BMPR2: variants seen among roughly 807,000 people sequenced by gnomAD.
BMPR2 encodes bone morphogenetic protein receptor type 2.
BMPR2 carries 29 observed loss-of-function variants against 100.8 expected under a neutral mutation model. The observed-to-expected ratio is 0.29, with a 90% CI of 0.21 to 0.39. BMPR2 has a LOEUF of 0.39. Among genes scored for constraint, BMPR2 ranks in the 10% least tolerant of loss-of-function variants. The probability of loss-of-function intolerance (pLI) is 1.00; values close to 1 mark genes in which losing one functional copy is unlikely to be tolerated. For missense variants in BMPR2, 1,011 were observed against 1,274.5 expected, an observed-to-expected ratio of 0.79 and a Z score of 3.15; for synonymous variants, 382 against 442.3, an observed-to-expected ratio of 0.86 and a Z score of 1.71.
At chr2:202,408,201 G>T (rs561518448) in intron 1 of BMPR2, among the ~76,000 whole-genome samples, 1 of 152,308 alleles carries the variant, frequency 6.6e-6, no homozygotes, top group Admixed American at 6.5e-5. Context: ...ATAAAATAAT[G>T]TATAGCTCTG....
chr2:202,543,296 A>G (rs1371107478), intron 10 of BMPR2, among the ~76,000 whole-genome samples: 3 of 148,924 alleles, frequency 2.0e-5, no homozygotes, highest in African/African-American at 7.3e-5. Context: ...ACAATGAAAT[A>G]TCTCAAGTCC....
intron 3 of BMPR2, among the ~76,000 whole-genome samples, chr2:202,470,564 A>C (rs1186858716): frequency 6.6e-6 from 1 of 150,796 alleles, no homozygotes; most frequent in Non-Finnish European, 1.5e-5. Context: ...GATCGAGACC[A>C]TCCTGGCTAA....
chr2:202,544,242 G>A (rs566948361), intron 10 of BMPR2, among the ~76,000 whole-genome samples: 41 of 152,204 alleles, frequency 2.7e-4, no homozygotes, highest in African/African-American at 9.6e-4. Flanking sequence ...ACTCAGAAGC[G>A]CATTAAAAAT....
intron 11 of BMPR2, among the ~76,000 whole-genome samples, chr2:202,554,759 C>A (rs1688533564): frequency 6.6e-6 from 1 of 152,176 alleles, no homozygotes; most frequent in South Asian, 2.1e-4. Flanking sequence ...TAATGGAGGC[C>A]TTTGGAACAA....
chr2:202,557,162 C>T (rs1281286658), intron 12 of BMPR2, among the ~76,000 whole-genome samples: 2 of 151,652 alleles, frequency 1.3e-5, no homozygotes, highest in Admixed American at 1.3e-4. Flanking sequence ...GAAACCCCGT[C>T]TCTACTAAAA....
intron 1 of BMPR2, among the ~76,000 whole-genome samples, chr2:202,464,349 T>A (rs896631533): frequency 3.1e-4 from 47 of 152,156 alleles, no homozygotes; most frequent in African/African-American, 1.1e-3. Flanking sequence ...ATAGTTACTC[T>A]TTGTATCATT....
chr2:202,399,268 C>G (rs1014839393), intron 1 of BMPR2, among the ~76,000 whole-genome samples: 1 of 152,186 alleles, frequency 6.6e-6, no homozygotes, highest in African/African-American at 2.4e-5. Flanking sequence ...GTCAGTGAAG[C>G]TTTCCTTATG....
At chr2:202,507,760 C>T (rs1380972492) in intron 3 of BMPR2, among the ~76,000 whole-genome samples, 3 of 150,702 alleles carry the variant, frequency 2.0e-5, no homozygotes, top group African/African-American at 4.9e-5. Context: ...AGTGCAATGG[C>T]GCCATCTCGG....
Position 202,447,989 on chromosome 2 carries a change from G to A in BMPR2, c.77-16820G>A, listed in dbSNP as rs1385025684. ...TAGAGTCATCCAAAACCATCTCATGGAATTCTTATTTATTTGTTTATGGGT... is the reference window on the plus strand; with the variant it reads ...TAGAGTCATCCAAAACCATCTCATGAAATTCTTATTTATTTGTTTATGGGT... On this transcript the variant is annotated intron_variant, in intron 1 of 12. Transcript: ENST00000374580. 2.7e-5 allele frequency among the ~76,000 whole-genome samples: 4 copies of A among 150,130 alleles called. 1 individual carries two copies. The highest frequency in any genetic ancestry group is 1.0e-4 in the African/African-American group (4 of 39,592).
intron 1 of BMPR2, among the ~76,000 whole-genome samples, chr2:202,453,159 C>T (rs1418752290): frequency 6.6e-6 from 1 of 150,648 alleles, no homozygotes; most frequent in Admixed American, 6.6e-5. Context: ...AAGGACGTGA[C>T]GTGATCAAAT....
intron 1 of BMPR2, among the ~76,000 whole-genome samples, chr2:202,383,416 C>T (rs1690342387): frequency 6.6e-6 from 1 of 152,102 alleles, no homozygotes; most frequent in East Asian, 1.9e-4. Flanking sequence ...TGCCATGGCT[C>T]ACGCTTGTAA....
chr2:202,535,248 C>T (rs528532530), intron 9 of BMPR2, among the ~76,000 whole-genome samples: 38 of 151,904 alleles, frequency 2.5e-4, no homozygotes, highest in African/African-American at 8.7e-4. Context: ...ACTTCCCAGA[C>T]GGAGCGGCTG....
rs1690165552 is a variant in BMPR2 at position 202,377,147 on chromosome 2, C to A, written c.-328C>A. 5 of 582,204 alleles carry A rather than the reference C, an allele frequency of 8.6e-6. No individual in the cohort carries two copies. The Admixed American group carries it at 9.3e-5, about 11-fold the overall frequency. The allele number at this position is 582,204 out of a possible 1,614,324, so 36.1% of individuals were successfully genotyped here. ...CCAGACCTGGATATTTTTTTGATAT[C>A]GTGAAACTACGAGGGAAATAATTTG... On this transcript the variant is annotated 5_prime_UTR_variant, in exon 1 of 13. Transcript: ENST00000374580.
chr2:202,387,045 C>T (rs918088082), intron 1 of BMPR2, among the ~76,000 whole-genome samples: 1 of 152,170 alleles, frequency 6.6e-6, no homozygotes, highest in African/African-American at 2.4e-5. Context: ...GTCTTCCCAT[C>T]TCATTCAGAA....
At chr2:202,470,632 C>A (rs975003833) in intron 3 of BMPR2, among the ~76,000 whole-genome samples, 5 of 151,698 alleles carry the variant, frequency 3.3e-5, no homozygotes, top group African/African-American at 1.2e-4. Context: ...GGCGCGGTGG[C>A]GGGCGCCTGT....
chr2:202,450,965 C>T (rs543925930), intron 1 of BMPR2, among the ~76,000 whole-genome samples: 1 of 152,268 alleles, frequency 6.6e-6, no homozygotes, highest in African/African-American at 2.4e-5. Flanking sequence ...TGCAAGGTTC[C>T]TGTGTTGTTT....
At position 202,467,652 on chromosome 2, in the gene BMPR2, T is replaced by C; in HGVS notation, c.381T>C (p.Phe127=). ...GCACAGATTTATGTAATGTCAACTT[T>C]ACTGAGAATTTTCCACCTCCTGACA... ...CCSTDLCNVN[F]TENFPPPDTT... The change falls in exon 3 of 13, where the codon TTT becomes TTC. Residue 127 remains phenylalanine (F), a synonymous_variant. Transcript: ENST00000374580. 1 of 1,612,992 alleles carries C rather than the reference T, an allele frequency of 6.2e-7. No homozygotes were observed. Among genetic ancestry groups the C allele is most frequent in the Non-Finnish European group, 8.5e-7 (1 of 1,178,940 alleles).
chr2:202,496,438 T>C (rs1033569952), intron 3 of BMPR2, among the ~76,000 whole-genome samples: 1 of 152,140 alleles, frequency 6.6e-6, no homozygotes, highest in East Asian at 1.9e-4. Context: ...GGTCATACCA[T>C]TGCACTCCAG....
At position 202,377,545 on chromosome 2, in the gene BMPR2, C is replaced by G. The variant is rs370120266; in HGVS notation, c.71C>G (p.Ala24Gly). ...LPWTILLVST[A>G]AASQNQERLC... ...TGGACCATCCTGCTGGTCAGCACTG[C>G]GGCTGGTGAGTAGCTCCGGCCGGCA... is the stretch of plus-strand genomic sequence containing the variant. Residue 24 changes from alanine (A) to glycine (G), a missense_variant, in exon 1 of 13, where the codon GCG (alanine) becomes GGG (glycine). Ala to Gly is a moderately conservative substitution (Grantham distance 60). Coordinates refer to ENST00000374580, the MANE Select transcript of BMPR2 (RefSeq NM_001204.7). The G allele has an allele frequency of 1.2e-6, 2 of 1,614,006 alleles. No homozygotes were observed. Among genetic ancestry groups the G allele is most frequent in the Admixed American group, 1.7e-5 (1 of 60,012 alleles).
Sources: allele counts gnomAD v4.1 joint callset (sites outside exome capture counted in the v4.1 genomes callset), GRCh38; gene constraint gnomAD v4.1.1; transcripts MANE v1.5; gene names NCBI Gene and HGNC (gene_info 2026-07-23, HGNC 2026-07-21).